The following ASTN2 variants were observed in gnomAD, a reference collection of about 807,000 sequenced individuals.
The protein encoded by ASTN2 is astrotactin-2.
A neutral mutation model predicts 139.8 loss-of-function variants in ASTN2; 54 were observed. That is an observed-to-expected ratio of 0.39 (90% CI 0.31 to 0.48). The LOEUF is 0.48. Among genes scored for constraint, ASTN2 ranks in the 20% least tolerant of loss-of-function variants. The pLI is 0.95. For missense variants in ASTN2, 1,565 were observed against 1,725.1 expected (o/e 0.91, Z 1.64); for synonymous variants, 756 against 719.5 (o/e 1.05, Z -0.81).
chr9:116,514,660 G>T (rs1240270015), intron 19 of ASTN2, among the ~76,000 whole-genome samples: 2 of 152,180 alleles, frequency 1.3e-5, no homozygotes, highest in East Asian at 3.9e-4. Context: ...TACCCAGTTT[G>T]AGCTTCCCAG....
chr9:117,123,660 T>C (rs1042064335), intron 4 of ASTN2, among the ~76,000 whole-genome samples: 5 of 152,144 alleles, frequency 3.3e-5, no homozygotes, highest in African/African-American at 9.7e-5. Flanking sequence ...CCTTATTCTT[T>C]AATTTAAATA....
At chr9:117,163,270 G>T (rs1444394967) in intron 3 of ASTN2, among the ~76,000 whole-genome samples, 1 of 152,052 alleles carries the variant, frequency 6.6e-6, no homozygotes, top group Non-Finnish European at 1.5e-5. Flanking sequence ...CAAATATATG[G>T]CATTGAACAT....
chr9:116,725,911 C>A lies in ASTN2; in HGVS notation c.2666G>T (p.Ser889Ile), dbSNP rs1308891797. ...GATGAAGGACAGCAGCTCCTCCCGA[C>A]TGCTCTCCTTGGTCAGGATCTTGAG... ...NVLKILTKES[S>I]REELLSFIQH... is the part of the protein sequence containing the mutation. The change falls in exon 16 of 23, where the codon AGT becomes ATT. Residue 889 changes from serine to isoleucine, a missense_variant. By Grantham distance (142) the Ser-to-Ile change is moderately radical (BLOSUM62 -2). Coordinates refer to ENST00000313400, the MANE Select transcript of ASTN2 (RefSeq NM_001365068.1). 5 of 1,613,920 alleles carry A rather than the reference C, an allele frequency of 3.1e-6. No homozygotes were observed. Among genetic ancestry groups the A allele is most frequent in the Non-Finnish European group, 4.2e-6 (5 of 1,179,952 alleles).
chr9:117,397,619 A>G (rs968093407), intron 1 of ASTN2, among the ~76,000 whole-genome samples: 1 of 152,206 alleles, frequency 6.6e-6, no homozygotes, highest in Non-Finnish European at 1.5e-5. Context: ...CCTACATCTA[A>G]TAATTGGCAA....
chr9:117,149,792 C>G (rs947037584), intron 3 of ASTN2, among the ~76,000 whole-genome samples: 18 of 152,046 alleles, frequency 1.2e-4, no homozygotes, highest in African/African-American at 4.3e-4. Context: ...AATTTAAAAC[C>G]CAAGCACACA....
chr9:116,573,683 G>A (rs912051534), intron 19 of ASTN2, among the ~76,000 whole-genome samples: 1 of 152,144 alleles, frequency 6.6e-6, no homozygotes, highest in Non-Finnish European at 1.5e-5. Context: ...TTTGGATCTT[G>A]TACTAACCTA....
chr9:116,758,475 A>AGAAGTAAG (rs1007447618), intron 13 of ASTN2, among the ~76,000 whole-genome samples: 4 of 152,146 alleles, frequency 2.6e-5, no homozygotes, highest in Admixed American at 2.6e-4. Context: ...ACCCAGGCTA[A>AGAAGTAAG]GAAGTAAGGT....
At chr9:117,199,324 G>A (rs1055949364) in intron 3 of ASTN2, among the ~76,000 whole-genome samples, 1 of 152,128 alleles carries the variant, frequency 6.6e-6, no homozygotes, top group African/African-American at 2.4e-5. Flanking sequence ...TGTAAGGAAG[G>A]GGTCCAGTTT....
intron 12 of ASTN2, among the ~76,000 whole-genome samples, chr9:116,810,777 A>G (rs1831143566): frequency 6.6e-6 from 1 of 152,158 alleles, no homozygotes; most frequent in Admixed American, 6.5e-5. Context: ...GATGTTATCC[A>G]TTACTTGATA....
At chr9:116,651,820 G>T in intron 16 of ASTN2, 27 bp from the exon 17 acceptor site, 1 of 1,605,384 alleles carries the variant, frequency 6.2e-7, no homozygotes, top group Middle Eastern at 1.7e-4. Flanking sequence ...CAGGAAGAGC[G>T]AAAGGTAAAC....
intron 19 of ASTN2, chr9:116,561,955 A>G (rs1352436636): frequency 2.0e-5 from 3 of 152,210 alleles, no homozygotes; most frequent in Admixed American, 2.0e-4. Context: ...AAATGTTAAA[A>G]TGTTGGGTAA....
chr9:116,829,656 G>A (rs183014471), intron 11 of ASTN2, among the ~76,000 whole-genome samples: 10 of 152,208 alleles, frequency 6.6e-5, no homozygotes, highest in Admixed American at 6.5e-4. Flanking sequence ...GATCTCATGA[G>A]AACTCACTAT....
chr9:117,042,147 C>T (rs1287363854), intron 5 of ASTN2, among the ~76,000 whole-genome samples: 1 of 152,162 alleles, frequency 6.6e-6, no homozygotes, highest in Non-Finnish European at 1.5e-5. Context: ...AACCAAAAAG[C>T]ATGCTAGCCA....
chr9:116,926,221 C>T (rs866897594), intron 10 of ASTN2, among the ~76,000 whole-genome samples: 1 of 152,178 alleles, frequency 6.6e-6, no homozygotes, highest in African/African-American at 2.4e-5. Context: ...TGTCTTCAAG[C>T]TTCCTGCTGT....
chr9:117,137,476 T>C (rs1829980049), intron 4 of ASTN2, among the ~76,000 whole-genome samples: 1 of 152,188 alleles, frequency 6.6e-6, no homozygotes, highest in Admixed American at 6.5e-5. Context: ...TTTGGGATTT[T>C]GGAGGCTAAT....
intron 16 of ASTN2, among the ~76,000 whole-genome samples, chr9:116,654,598 C>T (rs931355683): frequency 6.6e-6 from 1 of 152,004 alleles, no homozygotes; most frequent in Non-Finnish European, 1.5e-5. Context: ...TGATCTAGTA[C>T]AAATCTTCAC....
intron 19 of ASTN2, among the ~76,000 whole-genome samples, chr9:116,541,247 T>A (rs560970206): frequency 1.3e-5 from 2 of 152,304 alleles, no homozygotes; most frequent in East Asian, 1.9e-4. Context: ...AGTAGGAAAT[T>A]TAGGCGGGAA....
intron 10 of ASTN2, among the ~76,000 whole-genome samples, chr9:116,877,993 C>CA (rs1261554532): frequency 6.6e-6 from 1 of 152,132 alleles, no homozygotes; most frequent in Non-Finnish European, 1.5e-5. Flanking sequence ...AAATGCAAAT[C>CA]AAAACCACAA....
chr9:116,942,562 TG>T (rs1564352244), intron 10 of ASTN2, among the ~76,000 whole-genome samples: 1 of 152,206 alleles, frequency 6.6e-6, no homozygotes, highest in African/African-American at 2.4e-5. Flanking sequence ...GTGCCTGCAA[TG>T]AAAGTCCTCC....
Sources: gnomAD v4.1 joint callset for allele counts (sites outside exome capture counted in the v4.1 genomes callset) on GRCh38, gnomAD v4.1.1 for gene constraint, MANE v1.5 for transcripts, NCBI Gene and HGNC (gene_info 2026-07-23, HGNC 2026-07-21) for gene names.